Variants in TYW1 observed in about 807,000 individuals in gnomAD.
TYW1 encodes the protein S-adenosyl-L-methionine-dependent tRNA 4-demethylwyosine synthase TYW1.
In TYW1, 46 loss-of-function variants were observed where a neutral mutation model predicts 96.2. The ratio of observed to expected loss-of-function variants is 0.48; its 90% CI spans 0.38 to 0.61. The LOEUF is 0.61. Among genes scored for constraint, TYW1 ranks in the 20% least tolerant of loss-of-function variants. The probability of loss-of-function intolerance (pLI) is 0.00; values close to 1 mark genes in which losing one functional copy is unlikely to be tolerated. For missense variants in TYW1, 684 were observed against 909.6 expected (o/e 0.75, Z 3.19); for synonymous variants, 274 against 323.0 (o/e 0.85, Z 1.63).
chr7:67,109,159 A>G (rs1404479445), intron 12 of TYW1, among the ~76,000 whole-genome samples: 3 of 151,450 alleles, frequency 2.0e-5, no homozygotes, highest in Non-Finnish European at 4.4e-5. Flanking sequence ...CTGTAGTCCC[A>G]GCTACTCGGG....
chr7:67,177,992 GA>G (rs779084687), intron 13 of TYW1, among the ~76,000 whole-genome samples: 12 of 104,586 alleles, frequency 1.1e-4, no homozygotes, highest in East Asian at 1.1e-3. Flanking sequence ...TGTCTCTACA[GA>G]AAAAAAAAAA....
chr7:67,058,531 A>G (rs1226789686), intron 9 of TYW1, among the ~76,000 whole-genome samples: 3 of 152,018 alleles, frequency 2.0e-5, no homozygotes, highest in East Asian at 3.9e-4. Flanking sequence ...CATCCAGTCT[A>G]TAGTGTAGTG....
intron 12 of TYW1, among the ~76,000 whole-genome samples, chr7:67,099,037 T>A (rs1194199175): frequency 1.3e-5 from 2 of 151,512 alleles, no homozygotes; most frequent in East Asian, 1.9e-4. Flanking sequence ...TATTATTTTT[T>A]TTTTTTGAGT....
chr7:67,034,206 C>T (rs1007334455), intron 7 of TYW1, among the ~76,000 whole-genome samples: 1 of 151,198 alleles, frequency 6.6e-6, no homozygotes, highest in East Asian at 2.0e-4. Context: ...TGGGTTCAAG[C>T]AATTCTCCTG....
intron 10 of TYW1, among the ~76,000 whole-genome samples, chr7:67,072,947 T>G (rs1192559654): frequency 1.6e-3 from 188 of 115,350 alleles, no homozygotes; most frequent in African/African-American, 5.4e-3. Context: ...TTTTTTTTTT[T>G]TTTTTTTTTT....
At chr7:67,187,018 G>A (rs1800046345) in intron 14 of TYW1, among the ~76,000 whole-genome samples, 2 of 147,148 alleles carry the variant, frequency 1.4e-5, no homozygotes, top group Non-Finnish European at 3.0e-5. Flanking sequence ...TTTTATAATT[G>A]AAAACTCTTG....
intron 7 of TYW1, among the ~76,000 whole-genome samples, chr7:67,027,929 CAA>C (rs5884602): frequency 1.6e-4 from 19 of 122,240 alleles, no homozygotes; most frequent in Admixed American, 2.6e-4. Flanking sequence ...GACTCCATCT[CAA>C]AAAAAAAAAA....
At chr7:67,026,817 C>T (rs1156875370) in intron 7 of TYW1, among the ~76,000 whole-genome samples, 1 of 151,568 alleles carries the variant, frequency 6.6e-6, no homozygotes, top group African/African-American at 2.4e-5. Context: ...ACCCTTGCAA[C>T]AGAATAAAAT....
chr7:67,172,855 A>C (rs2461607), intron 13 of TYW1, among the ~76,000 whole-genome samples: 42,190 of 147,940 alleles, frequency 0.29, 6,304 homozygotes, highest in African/African-American at 0.4. Flanking sequence ...TGTGGTGGCT[A>C]ACACCTGTAA....
At chr7:67,125,481 CT>C (rs762158508) in intron 13 of TYW1, among the ~76,000 whole-genome samples, 9 of 151,952 alleles carry the variant, frequency 5.9e-5, no homozygotes, top group Non-Finnish European at 1.2e-4. Flanking sequence ...CATATCCCCC[CT>C]ATTCCATGCA....
intron 13 of TYW1, among the ~76,000 whole-genome samples, chr7:67,137,381 C>T (rs759584046): frequency 3.3e-5 from 5 of 151,626 alleles, no homozygotes; most frequent in Admixed American, 6.6e-5. Flanking sequence ...TTTGGGAGGC[C>T]GAGGTGGGAG....
At chr7:67,136,903 A>G (rs1798278866) in intron 13 of TYW1, among the ~76,000 whole-genome samples, 1 of 151,838 alleles carries the variant, frequency 6.6e-6, no homozygotes, top group South Asian at 2.1e-4. Flanking sequence ...GCTCACCGCA[A>G]CCTCTGCCTC....
chr7:67,220,041 G>A (rs1278822774), intron 15 of TYW1, among the ~76,000 whole-genome samples: 3 of 149,970 alleles, frequency 2.0e-5, no homozygotes, highest in Admixed American at 6.6e-5. Flanking sequence ...TGCTTTCACT[G>A]TGTCCCATAC....
chr7:67,198,786 T>G (rs1454952200), intron 15 of TYW1, among the ~76,000 whole-genome samples: 2 of 152,188 alleles, frequency 1.3e-5, no homozygotes, highest in African/African-American at 4.8e-5. Flanking sequence ...TACTATATTT[T>G]CTTCTTAAGT....
At chr7:67,094,366 C>T (rs1474552848) in intron 11 of TYW1, among the ~76,000 whole-genome samples, 2 of 151,704 alleles carry the variant, frequency 1.3e-5, no homozygotes, top group African/African-American at 4.8e-5. Flanking sequence ...GGTTAGATAC[C>T]CGGTAATGGG....
At chr7:67,030,318 A>G (rs1246622382) in intron 7 of TYW1, among the ~76,000 whole-genome samples, 1 of 152,168 alleles carries the variant, frequency 6.6e-6, no homozygotes, top group African/African-American at 2.4e-5. Flanking sequence ...GCTGTGTACC[A>G]AGAACCAGGG....
At chr7:67,077,734 C>G (rs1349864112) in intron 10 of TYW1, among the ~76,000 whole-genome samples, 2 of 152,120 alleles carry the variant, frequency 1.3e-5, no homozygotes, top group South Asian at 2.1e-4. Context: ...AGTGCAGCAG[C>G]TTTTTAGTTT....
Position 67,235,746 on chromosome 7 carries a change from T to C in TYW1, c.1978-2562T>C, listed in dbSNP as rs551765999. On this transcript the variant is annotated intron_variant, in intron 15 of 15. Transcript: ENST00000359626. ...GTCTACTGAAAATACAAAAAAAAATTAGCCAGGTGTGGTGGCAGGTGCCAG... is the reference window on the plus strand; with the variant it reads ...GTCTACTGAAAATACAAAAAAAAATCAGCCAGGTGTGGTGGCAGGTGCCAG... 1.6e-3 allele frequency among the ~76,000 whole-genome samples: 242 copies of C among 151,798 alleles called. 1 individual carries two copies. Among genetic ancestry groups the C allele is most frequent in the African/African-American group, 5.2e-3 (217 of 41,390 alleles).
chr7:67,088,021 G>A (rs917465340), intron 11 of TYW1, among the ~76,000 whole-genome samples: 10 of 152,056 alleles, frequency 6.6e-5, no homozygotes, highest in Non-Finnish European at 1.5e-4. Flanking sequence ...ATGCTACCGC[G>A]CTTCAGCTAA....
Sources: gnomAD v4.1 joint callset for allele counts (sites outside exome capture counted in the v4.1 genomes callset) on GRCh38, gnomAD v4.1.1 for gene constraint, MANE v1.5 for transcripts, NCBI Gene and HGNC (gene_info 2026-07-23, HGNC 2026-07-21) for gene names.